The following NEUROD1 variants were observed in gnomAD, a reference collection of about 807,000 sequenced individuals.
NEUROD1 encodes neurogenic differentiation factor 1.
A neutral mutation model predicts 21.8 loss-of-function variants in NEUROD1; 9 were observed. The ratio of observed to expected loss-of-function variants is 0.41; its 90% CI spans 0.25 to 0.72. The LOEUF (loss-of-function observed/expected upper bound fraction) is 0.72. Among genes scored for constraint, NEUROD1 ranks in the 30% least tolerant of loss-of-function variants. NEUROD1 has a pLI of 0.31. For synonymous variants in NEUROD1, 199 were observed against 186.2 expected (o/e 1.07, Z -0.56); for missense variants, 434 against 468.8 (o/e 0.93, Z 0.69).
chr2:181,676,231 T>G (rs959716799), downstream of NEUROD1, among the ~76,000 whole-genome samples: 11 of 152,218 alleles, frequency 7.2e-5, no homozygotes, highest in African/African-American at 2.7e-4. Context: ...CTGTTTGTAC[T>G]GCCGTCCAGT....
intron 1 of NEUROD1, among the ~76,000 whole-genome samples, 170 bp downstream of exon 1, chr2:181,680,260 G>A (rs777772464): frequency 2.8e-4 from 43 of 152,308 alleles, no homozygotes; most frequent in Non-Finnish European, 5.1e-4. Flanking sequence ...GGGGGTACTT[G>A]AGTGACACGA....
chr2:181,678,633 ATCC>A lies in NEUROD1; in HGVS notation c.225_227del (p.Glu75del), dbSNP rs1190828671. The A allele has an allele frequency of 9.3e-6, 15 of 1,613,836 alleles. No homozygotes were observed. Among genetic ancestry groups the A allele is most frequent in the East Asian group, 2.2e-5 (1 of 44,858 alleles). On this transcript the variant is annotated inframe_deletion, in exon 2 of 2. Transcript: ENST00000295108. The surrounding 1 kb of genome is among the most constrained non-coding windows in gnomAD (Gnocchi z 5.5). ...CGCGTCTCTTGGGCTTTTGATCGTC[ATCC>A]TCCTCTTCCTCTTCTTCCTCCTCTT...
chr2:181,679,897 G>A (rs1688666306), intron 1 of NEUROD1, among the ~76,000 whole-genome samples: 1 of 152,168 alleles, frequency 6.6e-6, no homozygotes, highest in Admixed American at 6.5e-5. Flanking sequence ...GCAGGAGTGA[G>A]TCCCTCTCCC....
At chr2:181,673,485 A>G (rs1688525485), downstream of NEUROD1, 2 of 152,226 alleles carry the variant, frequency 1.3e-5, no homozygotes, top group Non-Finnish European at 2.9e-5. Context: ...TGGTAACAAC[A>G]AGAGTTCTCA....
chr2:181,676,031 T>C (rs1688563051), downstream of NEUROD1, among the ~76,000 whole-genome samples: 1 of 152,114 alleles, frequency 6.6e-6, no homozygotes, highest in Admixed American at 6.6e-5. Context: ...ACCAAGAAAA[T>C]AGTAATGTTT....
At chr2:181,670,078 T>C (rs538030369), downstream of NEUROD1, among the ~76,000 whole-genome samples, 1 of 152,348 alleles carries the variant, frequency 6.6e-6, no homozygotes, top group East Asian at 1.9e-4. Flanking sequence ...TGAGTGTCTA[T>C]GAAATCGGGA....
Position 181,676,777 on chromosome 2 carries a change from T to G in NEUROD1, c.*1013A>C, listed in dbSNP as rs1479344826. On this transcript the variant is annotated 3_prime_UTR_variant, in exon 2 of 2. Transcript: ENST00000295108. ...CATGAATATATGACAAACCACCATTTTTGTGACTATGTATAAAATCATGCA... is the reference window on the plus strand; with the variant it reads ...CATGAATATATGACAAACCACCATTGTTGTGACTATGTATAAAATCATGCA... 6.6e-6 allele frequency: 1 copy of G among 152,630 alleles called. No individual in the cohort carries two copies. Among genetic ancestry groups the G allele is most frequent in the Non-Finnish European group, 1.5e-5 (1 of 68,018 alleles). 9.5% of individuals were successfully genotyped at this position (152,630 alleles called of 1,614,324 possible). A position where few individuals can be genotyped will look rare whatever the true frequency, so the allele number is the denominator to read the frequency against.
At chr2:181,673,641 A>T (rs1559133932), downstream of NEUROD1, 1 of 152,246 alleles carries the variant, frequency 6.6e-6, no homozygotes, top group East Asian at 1.9e-4. Flanking sequence ...GTGTAGTTTA[A>T]GAAGCAGTTT....
downstream of NEUROD1, among the ~76,000 whole-genome samples, chr2:181,669,627 T>A (rs183264862): frequency 5.5e-3 from 833 of 152,366 alleles, 10 homozygotes; most frequent in African/African-American, 0.019. Flanking sequence ...ATGTGGTTTT[T>A]AAATTTTTTC....
Position 181,676,913 on chromosome 2 carries a change from G to A in NEUROD1, c.*877C>T, listed in dbSNP as rs983956779. 1 of 152,460 alleles carries A rather than the reference G, an allele frequency of 6.6e-6. No individual in the cohort carries two copies. The highest frequency in any genetic ancestry group is 2.1e-4 in the South Asian group (1 of 4,818). 9.4% of individuals were successfully genotyped at this position (152,460 alleles called of 1,614,324 possible). A position where few individuals can be genotyped will look rare whatever the true frequency, so the allele number is the denominator to read the frequency against. On this transcript the variant is annotated 3_prime_UTR_variant, in exon 2 of 2. Coordinates refer to ENST00000295108, the MANE Select transcript of NEUROD1 (RefSeq NM_002500.5). ...GCAAATTGTATGTGATAGTCAAGCA[G>A]CTTTTGATTTAAAGAAGGGTATGTT... is the stretch of plus-strand genomic sequence containing the variant.
Position 181,677,923 on chromosome 2 carries a change from C to A in NEUROD1, c.938G>T (p.Ser313Ile). The A allele has an allele frequency of 6.2e-7, 1 of 1,614,182 alleles. No homozygotes were observed. Among genetic ancestry groups the A allele is most frequent in the South Asian group, 1.1e-5 (1 of 91,080 alleles). The change falls in exon 2 of 2, where the codon AGC (serine) becomes ATC (isoleucine). Residue 313 changes from serine (S) to isoleucine (I), a missense_variant. Coordinates refer to ENST00000295108, the MANE Select transcript of NEUROD1 (RefSeq NM_002500.5). ...GGTGCCTGAGAAGATTGATCCGTGG[C>A]TTTGGGCCCCTGCCAGTGTCGCTGC... ...YPAATLAGAQSHGSIFSGTAA... is the reference protein window; with the variant it reads ...YPAATLAGAQIHGSIFSGTAA...
chr2:181,678,103 A>G lies in NEUROD1; in HGVS notation c.758T>C (p.Leu253Pro), dbSNP rs147634094. Residue 253 changes from leucine to proline, a missense_variant, in exon 2 of 2, where the codon CTG becomes CCG. By Grantham distance (98) the Leu-to-Pro change is moderately conservative. Coordinates refer to ENST00000295108, the MANE Select transcript of NEUROD1 (RefSeq NM_002500.5). The surrounding 1 kb of genome is among the most constrained non-coding windows in gnomAD (Gnocchi z 5.5). ...KPPPHAYSAALEPFFESPLTD... is the reference protein window; with the variant it reads ...KPPPHAYSAAPEPFFESPLTD... ...CAGAGGGCTTTCAAAGAAGGGCTCC[A>G]GCGCTGCGCTGTAGGCGTGCGGCGG... 193 of 1,614,128 alleles carry G rather than the reference A, an allele frequency of 1.2e-4. No homozygotes were observed. The highest frequency in any genetic ancestry group is 1.6e-4 in the Non-Finnish European group (186 of 1,180,054).
chr2:181,671,566 G>T (rs1305809408), downstream of NEUROD1, among the ~76,000 whole-genome samples: 1 of 151,852 alleles, frequency 6.6e-6, no homozygotes, highest in Non-Finnish European at 1.5e-5. Context: ...GAGTAGCTGG[G>T]ACTATAGATG....
Position 181,678,142 on chromosome 2 carries a change from A to G in NEUROD1, c.719T>C (p.Phe240Ser). Residue 240 changes from phenylalanine to serine, a missense_variant, in exon 2 of 2, where the codon TTC becomes TCC. Physicochemically the swap from Phe to Ser is radical, Grantham distance 155 (BLOSUM62 -2). Transcript: ENST00000295108. The surrounding 1 kb of genome is among the most constrained non-coding windows in gnomAD (Gnocchi z 5.5). Reference protein sequence around the residue: ...PYGTMDSSHVFHVKPPPHAYS... With the variant: ...PYGTMDSSHVSHVKPPPHAYS... ...GGCGTGCGGCGGAGGCTTAACGTGG[A>G]AGACATGGGAGCTGTCCATGGTACC... The G allele has an allele frequency of 6.2e-7, 1 of 1,614,140 alleles. No individual in the cohort carries two copies. Among genetic ancestry groups the G allele is most frequent in the Non-Finnish European group, 8.5e-7 (1 of 1,180,030 alleles).
Position 181,678,314 on chromosome 2 carries a change from G to A in NEUROD1, c.547C>T (p.Leu183=). The change falls in exon 2 of 2, where the codon CTG becomes TTG. Residue 183 remains leucine (L), a synonymous_variant. Coordinates refer to ENST00000295108, the MANE Select transcript of NEUROD1 (RefSeq NM_002500.5). The surrounding 1 kb of genome is among the most constrained non-coding windows in gnomAD (Gnocchi z 5.5). ...CKGLSQPTTN[L]VAGCLQLNPR... ...TTGAGTTGCAGGCAGCCCGCAACCAGGTTGGTGGTGGGTTGGGATAAGCCC... is the reference window on the plus strand; with the variant it reads ...TTGAGTTGCAGGCAGCCCGCAACCAAGTTGGTGGTGGGTTGGGATAAGCCC... 3.1e-6 allele frequency: 5 copies of A among 1,614,124 alleles called. No homozygotes were observed. Among genetic ancestry groups the A allele is most frequent in the Non-Finnish European group, 4.2e-6 (5 of 1,179,972 alleles).
At chr2:181,672,744 A>T (rs1251130461), downstream of NEUROD1, among the ~76,000 whole-genome samples, 1 of 152,172 alleles carries the variant, frequency 6.6e-6, no homozygotes, top group Non-Finnish European at 1.5e-5. Flanking sequence ...AGGTATCTCA[A>T]CTTCCTGAAG....
At chr2:181,672,161 C>T (rs1472378860), downstream of NEUROD1, among the ~76,000 whole-genome samples, 1 of 151,986 alleles carries the variant, frequency 6.6e-6, no homozygotes, top group African/African-American at 2.4e-5. Context: ...TATATTTAAC[C>T]AATTGATATC....
downstream of NEUROD1, among the ~76,000 whole-genome samples, chr2:181,668,818 A>G (rs1233346161): frequency 6.6e-6 from 1 of 152,194 alleles, no homozygotes; most frequent in Non-Finnish European, 1.5e-5. Context: ...GCTTGGCCCT[A>G]AGCCCTGCTG....
chr2:181,670,854 C>A (rs924745959), exon 2 of NEUROD1, among the ~76,000 whole-genome samples: 2 of 151,956 alleles, frequency 1.3e-5, no homozygotes, highest in Non-Finnish European at 2.9e-5. Flanking sequence ...GGATTTAGGG[C>A]CCACCGTAAT....
Sources: gnomAD v4.1 joint callset for allele counts (sites outside exome capture counted in the v4.1 genomes callset) on GRCh38, gnomAD v4.1.1 for gene constraint, Gnocchi (gnomAD v3.1) non-coding constraint, MANE v1.5 for transcripts, NCBI Gene and HGNC (gene_info 2026-07-23, HGNC 2026-07-21) for gene names.